UBA2: variants seen among roughly 807,000 people sequenced by gnomAD.
The protein encoded by UBA2 is ubiquitin like modifier activating enzyme 2, also known as SUMO-activating enzyme subunit 2.
In UBA2, 11 loss-of-function variants were observed where a neutral mutation model predicts 77.2. That is an observed-to-expected ratio of 0.14 (90% CI 0.09 to 0.24). UBA2 has a LOEUF of 0.24. Ranked by LOEUF, UBA2 falls within the 10% of genes least tolerant of loss-of-function variation. UBA2 has a pLI of 1.00. For missense variants in UBA2, 487 were observed against 781.7 expected (o/e 0.62, Z 4.50); for synonymous variants, 278 against 276.7 (o/e 1.00, Z -0.05).
intron 9 of UBA2, among the ~76,000 whole-genome samples, chr19:34,450,742 CT>C (rs59580124): frequency 0.027 from 2,273 of 83,340 alleles, 10 homozygotes; most frequent in African/African-American, 0.1. Flanking sequence ...TTATGTATAT[CT>C]TTTTTTTTTT....
In UBA2 at chr19:34,431,659, C is replaced by A. The variant is rs143701767; in HGVS notation, c.223-202C>A. ...GGTGGTACGTGGGTCAGGGGGGGCT[C>A]TCCGGTTATTTTATAAGTATAAAAG... On this transcript the variant is annotated intron_variant, in intron 2 of 16. Coordinates refer to ENST00000246548, the MANE Select transcript of UBA2 (RefSeq NM_005499.3). Among the ~76,000 whole-genome samples the A allele has an allele frequency of 5.3e-5, 8 of 152,038 alleles. No individual in the cohort carries two copies. In the East Asian group the frequency reaches 1.5e-3, roughly 29 times the overall value.
chr19:34,465,669 ATG>A (rs2075680165), intron 15 of UBA2, among the ~76,000 whole-genome samples: 1 of 151,760 alleles, frequency 6.6e-6, no homozygotes, highest in South Asian at 2.1e-4. Flanking sequence ...GAAGGACTGA[ATG>A]TGAGTTATTA....
chr19:34,469,205 T>C lies in UBA2; in HGVS notation c.1907T>C (p.Val636Ala). 6.3e-7 allele frequency: 1 copy of C among 1,597,076 alleles called. No homozygotes were observed. Among genetic ancestry groups the C allele is most frequent in the South Asian group, 1.1e-5 (1 of 87,686 alleles). ...RIEQKEELDD[V>A]IALD ...GAACAGAAGGAAGAGCTTGATGATG[T>C]CATAGCATTAGATTGAACAGAAATG... Residue 636 changes from valine to alanine, a missense_variant, in exon 17 of 17, where the codon GTC (valine) becomes GCC (alanine). Transcript: ENST00000246548.
At chr19:34,448,643 G>A (rs1317703824) in intron 8 of UBA2, among the ~76,000 whole-genome samples, 1 of 152,104 alleles carries the variant, frequency 6.6e-6, no homozygotes, top group African/African-American at 2.4e-5. Context: ...AGAGGGGTTG[G>A]GGGAGGGTAG....
intron 12 of UBA2, among the ~76,000 whole-genome samples, chr19:34,456,098 T>TTC: frequency 1.2e-5 from 1 of 82,386 alleles, no homozygotes; most frequent in East Asian, 3.0e-4. Context: ...TTTTTTCCTT[T>TTC]TCTTTTTCTT....
intron 10 of UBA2, among the ~76,000 whole-genome samples, chr19:34,453,372 A>G (rs1033043962): frequency 6.6e-6 from 1 of 152,170 alleles, no homozygotes; most frequent in Admixed American, 6.5e-5. Context: ...CTCAGGAAAA[A>G]TACAAATCGT....
chr19:34,437,295 T>C (rs1011398026), intron 5 of UBA2, among the ~76,000 whole-genome samples: 1 of 150,832 alleles, frequency 6.6e-6, no homozygotes, highest in Non-Finnish European at 1.5e-5. Context: ...TTACTGTGAT[T>C]CTGACACACC....
intron 16 of UBA2, 88 bp downstream of exon 16, chr19:34,467,102 C>A: frequency 6.8e-7 from 1 of 1,464,890 alleles, no homozygotes; most frequent in Non-Finnish European, 9.4e-7. Flanking sequence ...GACCATAAAT[C>A]CATAAAACTA....
chr19:34,453,293 T>C, intron 10 of UBA2, among the ~76,000 whole-genome samples: 1 of 152,318 alleles, frequency 6.6e-6, no homozygotes. Flanking sequence ...CTCTGAATTT[T>C]AGACCAGGGT....
intron 2 of UBA2, among the ~76,000 whole-genome samples, chr19:34,431,184 A>C (rs2145486674): frequency 6.7e-6 from 1 of 150,196 alleles, no homozygotes; most frequent in Middle Eastern, 3.6e-3. Context: ...TTTTAGACTA[A>C]GTCAGGTTGG....
At chr19:34,444,946 G>C in intron 7 of UBA2, 54 bp from the exon 8 acceptor site, 4 of 1,553,950 alleles carry the variant, frequency 2.6e-6, no homozygotes, top group Non-Finnish European at 3.5e-6. Context: ...TGAGTGAAAA[G>C]AGTTCAGTTC....
chr19:34,463,001 G>A (rs1044085740), intron 14 of UBA2, among the ~76,000 whole-genome samples: 2 of 152,048 alleles, frequency 1.3e-5, no homozygotes, highest in Non-Finnish European at 2.9e-5. Flanking sequence ...GGAGGCTAAG[G>A]CAGGAGAATC....
intron 8 of UBA2, among the ~76,000 whole-genome samples, chr19:34,445,644 G>T (rs1266129707): frequency 6.6e-6 from 1 of 151,800 alleles, no homozygotes; most frequent in Non-Finnish European, 1.5e-5. Flanking sequence ...CACCATGTTG[G>T]CCAGGTAGGT....
intron 6 of UBA2, among the ~76,000 whole-genome samples, chr19:34,443,441 C>CTTTTTTT (rs35696396): frequency 1.5e-5 from 2 of 132,234 alleles, no homozygotes; most frequent in Non-Finnish European, 3.2e-5. Context: ...CCGTTATTCA[C>CTTTTTTT]TTTTTTTTTT....
At chr19:34,438,585 C>T in intron 5 of UBA2, 60 bp from the exon 6 acceptor site, 2 of 1,597,046 alleles carry the variant, frequency 1.3e-6, no homozygotes, top group Non-Finnish European at 8.5e-7. Flanking sequence ...TTTATATTAC[C>T]TTATAATGTT....
At position 34,443,850 on chromosome 19, in the gene UBA2, G is replaced by T; in HGVS notation, c.588G>T (p.Leu196Phe). ...IVWAKYLFNQ[L>F]FGEEDADQEV... ...TACTATTCTTAAATTATAGCCAGTT[G>T]TTTGGGGAAGAAGATGCTGATCAAG... is the stretch of plus-strand genomic sequence containing the variant. The change falls in exon 7 of 17, where the codon TTG (leucine) becomes TTT (phenylalanine). Residue 196 changes from leucine to phenylalanine, a missense_variant. By Grantham distance (22) the Leu-to-Phe change is conservative. Around this residue, in one of 9 missense-constraint regions of UBA2, gnomAD observed 11 missense variants for 44.9 expected, o/e 0.24. Transcript: ENST00000246548. 2 of 1,602,454 alleles carry T rather than the reference G, an allele frequency of 1.2e-6. No individual in the cohort carries two copies. Among genetic ancestry groups the T allele is most frequent in the Non-Finnish European group, 1.7e-6 (2 of 1,169,588 alleles).
In UBA2 at chr19:34,428,446, G is replaced by T. The variant is rs2075210518; in HGVS notation, c.14G>T (p.Arg5Leu). Residue 5 changes from arginine to leucine, a missense_variant, in exon 1 of 17, where the codon CGG becomes CTG. Arg to Leu is a moderately radical substitution (Grantham distance 102). Around this residue, in one of 9 missense-constraint regions of UBA2, gnomAD observed 30 missense variants for 27.4 expected, o/e 1.09. Coordinates refer to ENST00000246548, the MANE Select transcript of UBA2 (RefSeq NM_005499.3). ...GGTTGTCCCGCCATGGCACTGTCGC[G>T]GGGGCTGCCCCGGGAGCTGGCTGAG... MALS[R>L]GLPRELAEAV... 1 of 1,276,020 alleles carries T rather than the reference G, an allele frequency of 7.8e-7. No homozygotes were observed. Among genetic ancestry groups the T allele is most frequent in the South Asian group, 3.6e-5 (1 of 27,774 alleles). The allele number at this position is 1,276,020 out of a possible 1,614,324, so 79.0% of individuals were successfully genotyped here.
intron 15 of UBA2, among the ~76,000 whole-genome samples, chr19:34,465,596 A>G (rs11880288): frequency 0.058 from 8,470 of 146,288 alleles, 743 homozygotes; most frequent in African/African-American, 0.19. Context: ...AGATTGCGCC[A>G]TTGCACTCCA....
At chr19:34,455,334 C>T (rs1443579316) in intron 12 of UBA2, among the ~76,000 whole-genome samples, 1 of 152,110 alleles carries the variant, frequency 6.6e-6, no homozygotes, top group East Asian at 1.9e-4. Flanking sequence ...CTTTTCAGGT[C>T]CTTGCTTTGT....
Sources: allele counts gnomAD v4.1 joint callset (sites outside exome capture counted in the v4.1 genomes callset), GRCh38; gene constraint gnomAD v4.1.1; regional missense constraint gnomAD v4.1.1; transcripts MANE v1.5; gene names NCBI Gene and HGNC (gene_info 2026-07-23, HGNC 2026-07-21).